The following CHRNA1 variants were observed in gnomAD, a reference collection of about 807,000 sequenced individuals.
CHRNA1 encodes the protein cholinergic receptor nicotinic alpha 1 subunit.
CHRNA1 carries 35 observed loss-of-function variants against 47.1 expected under a neutral mutation model. The observed-to-expected ratio is 0.74, with a 90% CI of 0.57 to 0.99. CHRNA1 has a LOEUF of 0.99. Among genes scored for constraint, CHRNA1 ranks in the 50% least tolerant of loss-of-function variants. The pLI is 0.00. For synonymous variants in CHRNA1, 229 were observed against 223.6 expected (o/e 1.02, Z -0.22); for missense variants, 506 against 591.1 (o/e 0.86, Z 1.49).
chr2:174,760,565 G>C (rs150747210), intron 1 of CHRNA1, among the ~76,000 whole-genome samples: 1 of 152,294 alleles, frequency 6.6e-6, no homozygotes, highest in African/African-American at 2.4e-5. Flanking sequence ...GAGAGGGATC[G>C]GGTGGGACTC....
intron 6 of CHRNA1, 30 bp from the exon 7 acceptor site, chr2:174,750,199 C>T (rs771924544): frequency 4.8e-5 from 66 of 1,372,044 alleles, no homozygotes; most frequent in Non-Finnish European, 6.7e-5. Flanking sequence ...AAAAAAAAAT[C>T]CCACAACTAC....
intron 7 of CHRNA1, among the ~76,000 whole-genome samples, chr2:174,749,355 C>A (rs1056392001): frequency 1.3e-5 from 2 of 152,234 alleles, no homozygotes; most frequent in Non-Finnish European, 2.9e-5. Flanking sequence ...CTTCTTTTGT[C>A]AATTCCTGAC....
intron 7 of CHRNA1, among the ~76,000 whole-genome samples, chr2:174,749,305 C>T (rs1047140770): frequency 6.8e-6 from 1 of 146,280 alleles, no homozygotes; most frequent in Admixed American, 6.7e-5. Context: ...GAAACAGGGA[C>T]TCTTACTCTC....
At chr2:174,749,917 G>A (rs898151802) in intron 7 of CHRNA1, 29 bp downstream of exon 7, 1 of 1,591,732 alleles carries the variant, frequency 6.3e-7, no homozygotes, top group Non-Finnish European at 8.6e-7. Flanking sequence ...GTGCCTCCGT[G>A]TGAAGTCTGC....
Position 174,759,360 on chromosome 2 carries a change from T to A in CHRNA1, c.205A>T (p.Ile69Phe), listed in dbSNP as rs771882592. The change falls in exon 3 of 9, where the codon ATC (isoleucine) becomes TTC (phenylalanine). Residue 69 changes from isoleucine to phenylalanine, a missense_variant. By Grantham distance (21) the Ile-to-Phe change is conservative. Transcript: ENST00000348749. ...QLINVDEVNQ[I>F]VTTNVRLKQQ... The stretch of plus-strand genomic sequence containing the variant: ...TTCAGACGCACATTGGTTGTCACGA[T>A]CTGATTTACTTCATCCTGGAAAAAA... 6.2e-7 allele frequency: 1 copy of A among 1,612,286 alleles called. No individual in the cohort carries two copies. Among genetic ancestry groups the A allele is most frequent in the South Asian group, 1.1e-5 (1 of 91,002 alleles).
At chr2:174,756,576 T>A (rs1683983901) in intron 4 of CHRNA1, among the ~76,000 whole-genome samples, 1 of 152,192 alleles carries the variant, frequency 6.6e-6, no homozygotes, top group Admixed American at 6.5e-5. Flanking sequence ...ACCAAAGGAT[T>A]TTAATTGCTC....
intron 4 of CHRNA1, among the ~76,000 whole-genome samples, chr2:174,755,489 G>A (rs376216178): frequency 6.6e-6 from 1 of 151,054 alleles, no homozygotes; most frequent in African/African-American, 2.4e-5. Context: ...GCGTGATATC[G>A]GCTCACTGCA....
chr2:174,759,408 G>T (rs771517302), intron 2 of CHRNA1, 33 bp from the exon 3 acceptor site: 1 of 1,613,972 alleles, frequency 6.2e-7, no homozygotes, highest in Non-Finnish European at 8.5e-7. Flanking sequence ...TTTTTATGGG[G>T]GAGAGAGGGG....
intron 3 of CHRNA1, 198 bp from the exon 4 acceptor site, chr2:174,757,873 G>T: frequency 1.0e-6 from 1 of 1,001,206 alleles, no homozygotes; most frequent in Non-Finnish European, 1.6e-6. Flanking sequence ...TGCTCACACT[G>T]TTTCAAACAA....
At position 174,748,791 on chromosome 2, in the gene CHRNA1, A is replaced by G. The variant is rs764140181; in HGVS notation, c.1031T>C (p.Met344Thr). The change falls in exon 8 of 9, where the codon ATG becomes ACG. Residue 344 changes from methionine (M) to threonine (T), a missense_variant. By Grantham distance (81) the Met-to-Thr change is moderately conservative. Coordinates refer to ENST00000348749, the MANE Select transcript of CHRNA1 (RefSeq NM_000079.4). Reference sequence around the variant, plus strand: ...TGGTCTTTTCATTGTGGAGAAAAACATGATATTTGGGATAGTGTCGATAAA... The same window carrying G: ...TGGTCTTTTCATTGTGGAGAAAAACGTGATATTTGGGATAGTGTCGATAAA... ...KVFIDTIPNI[M>T]FFSTMKRPSR... 1.9e-6 allele frequency: 3 copies of G among 1,614,080 alleles called. No individual in the cohort carries two copies. Among genetic ancestry groups the G allele is most frequent in the Non-Finnish European group, 1.7e-6 (2 of 1,180,036 alleles).
chr2:174,754,291 G>A lies in CHRNA1; in HGVS notation c.468C>T (p.Pro156=). The change falls in exon 5 of 9, where the codon CCC becomes CCT. Residue 156 remains proline, a synonymous_variant. Coordinates refer to ENST00000348749, the MANE Select transcript of CHRNA1 (RefSeq NM_000079.4). ...TCATGCTGCAGTTCTGTTCATCAAAGGGAAAGTGGGTGACGATGATCTCAC... is the reference window on the plus strand; with the variant it reads ...TCATGCTGCAGTTCTGTTCATCAAAAGGAAAGTGGGTGACGATGATCTCAC... ...SYCEIIVTHF[P]FDEQNCSMKL... 1 of 1,614,230 alleles carries A rather than the reference G, an allele frequency of 6.2e-7. No individual in the cohort carries two copies. Among genetic ancestry groups the A allele is most frequent in the Non-Finnish European group, 8.5e-7 (1 of 1,180,048 alleles).
intron 1 of CHRNA1, among the ~76,000 whole-genome samples, chr2:174,761,288 C>A (rs370278089): frequency 6.6e-6 from 1 of 152,106 alleles, no homozygotes; most frequent in Non-Finnish European, 1.5e-5. Flanking sequence ...CCTTCATTCA[C>A]GTAACCAGAT....
At chr2:174,754,174 A>C in intron 5 of CHRNA1, 45 bp downstream of exon 5, 1 of 1,584,394 alleles carries the variant, frequency 6.3e-7, no homozygotes, top group East Asian at 2.2e-5. Flanking sequence ...GACCCGAATC[A>C]CAATTTTCCT....
At chr2:174,749,134 G>GA (rs1683797403) in intron 7 of CHRNA1, among the ~76,000 whole-genome samples, 1 of 152,212 alleles carries the variant, frequency 6.6e-6, no homozygotes, top group Non-Finnish European at 1.5e-5. Flanking sequence ...TACAGGTATG[G>GA]AAAATGCCTT....
chr2:174,757,918 A>C, intron 3 of CHRNA1: 1 of 1,304,550 alleles, frequency 7.7e-7, no homozygotes, highest in Non-Finnish European at 1.1e-6. Context: ...CCTCACAACA[A>C]TCCCGTGAGG....
intron 1 of CHRNA1, 59 bp downstream of exon 1, chr2:174,764,293 C>T (rs7560774): frequency 2.6e-6 from 4 of 1,555,152 alleles, no homozygotes; most frequent in African/African-American, 1.4e-5. Context: ...GATTTGGGGG[C>T]CTCCAGCACT....
In CHRNA1 at chr2:174,748,594, G is replaced by C. The variant is rs1683782549; in HGVS notation, c.1228C>G (p.Gln410Glu). The C allele has an allele frequency of 6.2e-7, 1 of 1,612,546 alleles. No individual in the cohort carries two copies. The highest frequency in any genetic ancestry group is 1.3e-5 in the African/African-American group (1 of 74,858). The change falls in exon 8 of 9, where the codon CAG (glutamine) becomes GAG (glutamate). Residue 410 changes from glutamine (Q) to glutamate (E), a missense_variant. Coordinates refer to ENST00000348749, the MANE Select transcript of CHRNA1 (RefSeq NM_000079.4). ...KYIAETMKSD[Q>E]ESNNAAAEWK... Reference sequence around the variant, plus strand: ...ACGAAGCTTACATTGTTAGACTCCTGGTCTGACTTCATGGTCTCTGCGATG... The same window carrying C: ...ACGAAGCTTACATTGTTAGACTCCTCGTCTGACTTCATGGTCTCTGCGATG...
At chr2:174,749,468 CGT>C (rs111518142) in intron 7 of CHRNA1, among the ~76,000 whole-genome samples, 3,072 of 152,270 alleles carry the variant, frequency 0.02, 103 homozygotes, top group African/African-American at 0.07. Flanking sequence ...AATTCAATAA[CGT>C]AACTATTTCA....
chr2:174,761,806 G>A (rs544152542), intron 1 of CHRNA1, among the ~76,000 whole-genome samples: 1 of 152,188 alleles, frequency 6.6e-6, no homozygotes, highest in Non-Finnish European at 1.5e-5. Context: ...TGTCCTCTAT[G>A]CATTTTCTAT....
Sources: gnomAD v4.1 joint callset for allele counts (sites outside exome capture counted in the v4.1 genomes callset) on GRCh38, gnomAD v4.1.1 for gene constraint, MANE v1.5 for transcripts, NCBI Gene and HGNC (gene_info 2026-07-23, HGNC 2026-07-21) for gene names.